The following GRIN2A variants were observed in gnomAD, a reference collection of about 807,000 sequenced individuals.
GRIN2A encodes glutamate ionotropic receptor NMDA type subunit 2A, also known as glutamate receptor ionotropic, NMDA 2A.
GRIN2A carries 22 observed loss-of-function variants against 113.4 expected under a neutral mutation model. The observed-to-expected ratio is 0.19, with a 90% CI of 0.14 to 0.28. The LOEUF is 0.28. Among genes scored for constraint, GRIN2A ranks in the 10% least tolerant of loss-of-function variants. The pLI, the probability that GRIN2A is intolerant of heterozygous loss-of-function variation, is 1.00. For synonymous variants in GRIN2A, 827 were observed against 738.4 expected (o/e 1.12, Z -1.94); for missense variants, 1,502 against 1,887.0 (o/e 0.80, Z 3.78).
At chr16:10,073,262 C>T (rs1433031564) in intron 2 of GRIN2A, among the ~76,000 whole-genome samples, 1 of 152,106 alleles carries the variant, frequency 6.6e-6, no homozygotes, top group African/African-American at 2.4e-5. Flanking sequence ...AGTCAAGATC[C>T]CGTAATTCTT....
chr16:9,840,477 G>T (rs1266637717), intron 7 of GRIN2A, among the ~76,000 whole-genome samples, 170 bp downstream of exon 7: 2 of 151,966 alleles, frequency 1.3e-5, no homozygotes, highest in Admixed American at 6.6e-5. Flanking sequence ...TTTGGGTGGG[G>T]ACCCAAAGCC....
chr16:9,856,558 G>A (rs1478009453), intron 4 of GRIN2A, among the ~76,000 whole-genome samples: 1 of 149,810 alleles, frequency 6.7e-6, no homozygotes, highest in Non-Finnish European at 1.5e-5. Flanking sequence ...CCGGGAGGCC[G>A]AGCTTGCAGT....
At chr16:9,835,228 T>C (rs1242987296) in intron 7 of GRIN2A, among the ~76,000 whole-genome samples, 1 of 152,176 alleles carries the variant, frequency 6.6e-6, no homozygotes, top group Non-Finnish European at 1.5e-5. Context: ...CTTCACATGA[T>C]AATTCAATAA....
At chr16:10,034,170 G>A (rs1019517336) in intron 2 of GRIN2A, among the ~76,000 whole-genome samples, 1 of 152,096 alleles carries the variant, frequency 6.6e-6, no homozygotes, top group Non-Finnish European at 1.5e-5. Flanking sequence ...ATAGACAAAG[G>A]CTTTGTGTTT....
At chr16:9,898,907 G>T (rs2043861468) in intron 3 of GRIN2A, among the ~76,000 whole-genome samples, 2 of 151,452 alleles carry the variant, frequency 1.3e-5, no homozygotes, top group African/African-American at 4.9e-5. Flanking sequence ...TCCCTCATGG[G>T]CGCAAATGAA....
At chr16:10,121,508 T>C (rs2048832417) in intron 2 of GRIN2A, 1 of 152,188 alleles carries the variant, frequency 6.6e-6, no homozygotes, top group Non-Finnish European at 1.5e-5. Flanking sequence ...TCTTTCTCTG[T>C]GTTCTTGTGA....
chr16:9,825,649 C>T (rs976735076), intron 9 of GRIN2A, among the ~76,000 whole-genome samples: 6 of 152,090 alleles, frequency 3.9e-5, no homozygotes, highest in African/African-American at 1.4e-4. Flanking sequence ...GCAACTGGAG[C>T]CCCTATTTCT....
chr16:9,851,802 C>T (rs533410633), intron 4 of GRIN2A, among the ~76,000 whole-genome samples: 4 of 152,290 alleles, frequency 2.6e-5, no homozygotes, highest in Admixed American at 2.6e-4. Context: ...AAGAGAGCAA[C>T]AGGGTATGAC....
At chr16:10,035,503 C>T (rs1418295224) in intron 2 of GRIN2A, among the ~76,000 whole-genome samples, 1 of 152,208 alleles carries the variant, frequency 6.6e-6, no homozygotes, top group Non-Finnish European at 1.5e-5. Flanking sequence ...CCTCAAGGCA[C>T]ATCTCATGTG....
At chr16:9,918,435 CA>C (rs2044295376) in intron 3 of GRIN2A, among the ~76,000 whole-genome samples, 1 of 152,098 alleles carries the variant, frequency 6.6e-6, no homozygotes, top group Non-Finnish European at 1.5e-5. Context: ...ACAATTATAA[CA>C]ATATGCTAGA....
At chr16:10,100,363 T>A (rs1409520858) in intron 2 of GRIN2A, among the ~76,000 whole-genome samples, 1 of 152,204 alleles carries the variant, frequency 6.6e-6, no homozygotes, top group African/African-American at 2.4e-5. Flanking sequence ...GGAGAGTAAT[T>A]CGAAGACCTT....
intron 2 of GRIN2A, among the ~76,000 whole-genome samples, chr16:10,070,707 G>C (rs1596476708): frequency 6.6e-6 from 1 of 152,278 alleles, no homozygotes; most frequent in African/African-American, 2.4e-5. Context: ...CTCTACTCCT[G>C]TGTGGACCTC....
intron 2 of GRIN2A, among the ~76,000 whole-genome samples, chr16:9,991,357 T>C (rs2046109311): frequency 6.6e-6 from 1 of 152,200 alleles, no homozygotes; most frequent in Non-Finnish European, 1.5e-5. Flanking sequence ...AATTAGTAAG[T>C]GGTCCTACAG....
intron 2 of GRIN2A, among the ~76,000 whole-genome samples, chr16:10,115,519 C>T (rs1256680880): frequency 1.3e-5 from 2 of 152,198 alleles, no homozygotes; most frequent in Non-Finnish European, 2.9e-5. Context: ...CCTGCGCCCC[C>T]CCATAAATCA....
At chr16:9,772,847 A>C (rs1413199513) in intron 11 of GRIN2A, among the ~76,000 whole-genome samples, 1 of 147,290 alleles carries the variant, frequency 6.8e-6, no homozygotes, top group African/African-American at 2.5e-5. Flanking sequence ...GTAAATAAAA[A>C]GATTTCCTTC....
intron 2 of GRIN2A, among the ~76,000 whole-genome samples, chr16:10,061,645 T>C (rs559595119): frequency 6.6e-6 from 1 of 152,338 alleles, no homozygotes; most frequent in South Asian, 2.1e-4. Context: ...ATATTATATA[T>C]GTCATTATAA....
intron 2 of GRIN2A, among the ~76,000 whole-genome samples, chr16:10,006,123 A>G (rs148352548): frequency 9.2e-5 from 14 of 152,348 alleles, no homozygotes; most frequent in African/African-American, 2.4e-4. Flanking sequence ...TCAGTGGTCA[A>G]TCTAAGCACA....
chr16:10,138,100 C>A (rs780549673), intron 2 of GRIN2A, among the ~76,000 whole-genome samples: 4 of 152,330 alleles, frequency 2.6e-5, no homozygotes, highest in Admixed American at 6.5e-5. Context: ...GGGCATGGCA[C>A]TTTCCTCTTG....
At chr16:9,918,270 G>T (rs569568593) in intron 3 of GRIN2A, among the ~76,000 whole-genome samples, 1 of 152,130 alleles carries the variant, frequency 6.6e-6, no homozygotes, top group Non-Finnish European at 1.5e-5. Context: ...TATCCACAGG[G>T]AATATGTTCC....
Sources: gnomAD v4.1 joint callset for allele counts (sites outside exome capture counted in the v4.1 genomes callset) on GRCh38, gnomAD v4.1.1 for gene constraint, MANE v1.5 for transcripts, NCBI Gene and HGNC (gene_info 2026-07-23, HGNC 2026-07-21) for gene names.